INTS4: variants seen among roughly 807,000 people sequenced by gnomAD.
The protein encoded by INTS4 is integrator complex subunit 4, also known as MSTP093.
INTS4 carries 70 observed loss-of-function variants against 119.5 expected under a neutral mutation model. That is an observed-to-expected ratio of 0.59 (90% CI 0.48 to 0.71). The LOEUF (loss-of-function observed/expected upper bound fraction) is 0.71, where lower values mean the gene tolerates loss of function less well. INTS4 is among the 30% of genes least tolerant of loss of function. The pLI, the probability that INTS4 is intolerant of heterozygous loss-of-function variation, is 0.00. For synonymous variants in INTS4, 316 were observed against 419.6 expected (o/e 0.75, Z 3.02); for missense variants, 867 against 1,173.2 (o/e 0.74, Z 3.81).
At chr11:77,881,799 A>G (rs1348028323) in intron 22 of INTS4, among the ~76,000 whole-genome samples, 1 of 152,218 alleles carries the variant, frequency 6.6e-6, no homozygotes, top group East Asian at 1.9e-4. Context: ...TAAATGTGAA[A>G]ACACATCTGA....
intron 18 of INTS4, among the ~76,000 whole-genome samples, chr11:77,897,221 T>C (rs1398825622): frequency 1.3e-5 from 2 of 151,680 alleles, no homozygotes; most frequent in Admixed American, 1.3e-4. Flanking sequence ...AGATTATAAG[T>C]GGTGGCTCAC....
At chr11:77,924,630 A>C in intron 12 of INTS4, 120 bp downstream of exon 12, 1 of 854,290 alleles carries the variant, frequency 1.2e-6, no homozygotes. Flanking sequence ...TCAGGTTTCT[A>C]AAGTAAAGGC....
chr11:77,990,145 A>C (rs1328468660), intron 2 of INTS4, among the ~76,000 whole-genome samples: 1 of 151,490 alleles, frequency 6.6e-6, no homozygotes, highest in East Asian at 1.9e-4. Flanking sequence ...CTTAAACCAA[A>C]GAGACGGAGG....
chr11:77,981,811 G>A (rs1856239438), intron 2 of INTS4, among the ~76,000 whole-genome samples: 1 of 151,806 alleles, frequency 6.6e-6, no homozygotes, highest in Admixed American at 6.6e-5. Context: ...TGCCCAGCCT[G>A]GAGTGCAGTG....
rs745393035 is a variant in INTS4, at chr11:77,961,097, C to T, written c.513G>A (p.Leu171=). The change falls in exon 5 of 23, where the codon CTG becomes CTA. Residue 171 remains leucine (L), a synonymous_variant. Coordinates refer to ENST00000534064, the MANE Select transcript of INTS4 (RefSeq NM_033547.4). The part of the protein sequence containing the change: ...DTSHGVRNKC[L]QLLGNLGSLE... ...AAGAGCCAAGATTGCCAAGTAACTG[C>T]AGGCACTTATTTCTTACACCATGAG... 3 of 1,598,766 alleles carry T rather than the reference C, an allele frequency of 1.9e-6. No individual in the cohort carries two copies. Among genetic ancestry groups the T allele is most frequent in the East Asian group, 2.2e-5 (1 of 44,488 alleles).
intron 15 of INTS4, among the ~76,000 whole-genome samples, chr11:77,912,515 T>C (rs1477654256): frequency 2.0e-5 from 3 of 152,236 alleles, no homozygotes; most frequent in Non-Finnish European, 4.4e-5. Context: ...ATAGTGATTC[T>C]TTTTAAGTTT....
chr11:77,951,326 T>C (rs935609926), intron 8 of INTS4, among the ~76,000 whole-genome samples: 2 of 152,060 alleles, frequency 1.3e-5, no homozygotes, highest in Non-Finnish European at 2.9e-5. Flanking sequence ...GATAGACCAA[T>C]GGAACAGAAC....
At chr11:77,960,891 G>A in intron 5 of INTS4, 62 bp downstream of exon 5, 1 of 1,422,340 alleles carries the variant, frequency 7.0e-7, no homozygotes, top group African/African-American at 1.4e-5. Context: ...GGCAGCACTA[G>A]CTATAAACTT....
intron 7 of INTS4, among the ~76,000 whole-genome samples, chr11:77,956,778 T>A: frequency 6.8e-6 from 1 of 147,876 alleles, no homozygotes; most frequent in Non-Finnish European, 1.5e-5. Context: ...AATACATAAG[T>A]AAGTAAGGCT....
rs1329995787 is a variant in INTS4 at position 77,891,757 on chromosome 11, T to C, written c.2372A>G (p.Lys791Arg). 6.2e-6 allele frequency: 10 copies of C among 1,611,858 alleles called. No homozygotes were observed. The highest frequency in any genetic ancestry group is 8.5e-6 in the Non-Finnish European group (10 of 1,179,840). Reference sequence around the variant, plus strand: ...TAGAATTTTGACCACTTCTGCAGGTTTGGATGTCATGAGTCGGGGCATAAG... The same window carrying C: ...TAGAATTTTGACCACTTCTGCAGGTCTGGATGTCATGAGTCGGGGCATAAG... ...LDLMPRLMTS[K>R]PAEVVKILQT... Residue 791 changes from lysine to arginine, a missense_variant, in exon 20 of 23, where the codon AAA (lysine) becomes AGA (arginine). By Grantham distance (26) the Lys-to-Arg change is conservative. Transcript: ENST00000534064.
In INTS4 at chr11:77,900,376, G is replaced by A. The variant is rs182175801; in HGVS notation, c.2228+1045C>T. ...GGCCTCCCAAAGTGCTGGGATTACA[G>A]GTGTGAGCCACCACACCCGGCCACA... On this transcript the variant is annotated intron_variant, in intron 18 of 22. Transcript: ENST00000534064. Among the ~76,000 whole-genome samples, 15 of 152,250 alleles carry A rather than the reference G, an allele frequency of 9.9e-5. 1 individual carries two copies. In the East Asian group the frequency reaches 2.1e-3, roughly 22 times the overall value.
chr11:77,979,717 T>C (rs1856121572), intron 3 of INTS4, among the ~76,000 whole-genome samples: 1 of 149,842 alleles, frequency 6.7e-6, no homozygotes, highest in African/African-American at 2.4e-5. Context: ...TGGTGGCTTA[T>C]GCCTGTAATC....
chr11:77,928,450 G>A lies in INTS4; in HGVS notation c.1263C>T (p.Asn421=), dbSNP rs775194729. 1.2e-4 allele frequency: 188 copies of A among 1,612,220 alleles called. 3 individuals are homozygous for A. The South Asian group carries it at 1.9e-3, about 16-fold the overall frequency. ...KCLDFLVDMF[N]DEIEEVRLQS... ...GCAGACGTACTTCCTCAATTTCATC[G>A]TTGAACATGTCAACTAGGAAATCAA... The change falls in exon 11 of 23, where the codon AAC becomes AAT. Residue 421 remains asparagine (N), a synonymous_variant. Transcript: ENST00000534064.
At chr11:77,969,795 T>G (rs1368475203) in intron 4 of INTS4, among the ~76,000 whole-genome samples, 2 of 151,936 alleles carry the variant, frequency 1.3e-5, no homozygotes, top group Non-Finnish European at 2.9e-5. Context: ...TCTGTACCCT[T>G]TAGCTATCAA....
At chr11:77,935,167 G>A (rs1953757466) in intron 10 of INTS4, among the ~76,000 whole-genome samples, 1 of 152,162 alleles carries the variant, frequency 6.6e-6, no homozygotes, top group Non-Finnish European at 1.5e-5. Flanking sequence ...GAGTAATGAG[G>A]ACCAGCTTTA....
At chr11:77,917,404 C>A (rs201272871) in intron 15 of INTS4, among the ~76,000 whole-genome samples, 1 of 57,658 alleles carries the variant, frequency 1.7e-5, no homozygotes, top group Non-Finnish European at 4.0e-5. Flanking sequence ...AGCTCTGCCT[C>A]CCGAGTTCAA....
intron 15 of INTS4, chr11:77,918,189 T>C (rs1370126016): frequency 1.5e-6 from 1 of 683,972 alleles, no homozygotes; most frequent in Non-Finnish European, 2.7e-6. Context: ...TCCAGCACTT[T>C]GGGAGGCCGA....
At chr11:77,941,095 CTAAGT>C in intron 9 of INTS4, 80 bp downstream of exon 9, 1 of 1,529,928 alleles carries the variant, frequency 6.5e-7, no homozygotes, top group African/African-American at 1.4e-5. Flanking sequence ...ACAAATGCTG[CTAAGT>C]TAAATCAACA....
chr11:77,919,758 T>C (rs1953293991), intron 14 of INTS4, among the ~76,000 whole-genome samples: 1 of 152,220 alleles, frequency 6.6e-6, no homozygotes, highest in Admixed American at 6.5e-5. Flanking sequence ...CCTTTTAAGA[T>C]GGATGGGGAG....
Sources: gnomAD v4.1 joint callset for allele counts (sites outside exome capture counted in the v4.1 genomes callset) on GRCh38, gnomAD v4.1.1 for gene constraint, MANE v1.5 for transcripts, NCBI Gene and HGNC (gene_info 2026-07-23, HGNC 2026-07-21) for gene names.